FRMPD1: variants seen among roughly 807,000 people sequenced by gnomAD.
FRMPD1 encodes the protein FERM and PDZ domain containing 1, also known as FERM and PDZ domain-containing protein 1.
Under a neutral mutation model 117.8 loss-of-function variants are expected in FRMPD1, and 76 were observed. The observed-to-expected ratio is 0.65, with a 90% CI of 0.54 to 0.78. The LOEUF is 0.78. FRMPD1 is among the 30% of genes least tolerant of loss of function. The pLI is 0.00. For missense variants in FRMPD1, 1,786 were observed against 1,964.5 expected (o/e 0.91, Z 1.72); for synonymous variants, 783 against 770.4 (o/e 1.02, Z -0.27).
chr9:37,742,354 A>G (rs762323686), intron 15 of FRMPD1, among the ~76,000 whole-genome samples: 2 of 152,234 alleles, frequency 1.3e-5, no homozygotes, highest in Non-Finnish European at 2.9e-5. Context: ...ATGGGAGTCT[A>G]GTCAGGAACA....
intron 4 of FRMPD1, 64 bp downstream of exon 4, chr9:37,708,565 C>T: frequency 1.0e-6 from 1 of 970,394 alleles, no homozygotes; most frequent in Non-Finnish European, 1.7e-6. Context: ...AGATGGGCAA[C>T]AGGAATGGCA....
At chr9:37,709,639 G>T (rs1822838698) in intron 4 of FRMPD1, among the ~76,000 whole-genome samples, 1 of 152,186 alleles carries the variant, frequency 6.6e-6, no homozygotes, top group Non-Finnish European at 1.5e-5. Flanking sequence ...GGCAGAAGTT[G>T]TAGGCTGACA....
At chr9:37,698,671 C>T (rs1226491210) in intron 2 of FRMPD1, among the ~76,000 whole-genome samples, 1 of 148,880 alleles carries the variant, frequency 6.7e-6, no homozygotes. Context: ...AAGAGATTCT[C>T]CTGCCTCAGT....
At chr9:37,660,094 C>T (rs1046295405) in intron 1 of FRMPD1, among the ~76,000 whole-genome samples, 1 of 151,934 alleles carries the variant, frequency 6.6e-6, no homozygotes, top group Non-Finnish European at 1.5e-5. Context: ...ACGGCATCCT[C>T]CTAGATGGCT....
intron 5 of FRMPD1, among the ~76,000 whole-genome samples, chr9:37,714,615 ATTTT>A (rs1349761345): frequency 9.3e-6 from 1 of 107,416 alleles, no homozygotes; most frequent in African/African-American, 3.4e-5. Context: ...ATTTTATTTT[ATTTT>A]ATTTTGTTTT....
chr9:37,745,945 G>A lies in FRMPD1; in HGVS notation c.3913G>A (p.Glu1305Lys). ...FLCFAPESHPEVSASLRVATS... is the reference protein window; with the variant it reads ...FLCFAPESHPKVSASLRVATS... The stretch of plus-strand genomic sequence containing the variant: ...GTGCTTTGCCCCAGAAAGCCATCCT[G>A]AAGTCTCTGCCAGTCTCAGGGTGGC... The change falls in exon 16 of 16, where the codon GAA becomes AAA. Residue 1305 changes from glutamate to lysine, a missense_variant. Glu to Lys is a moderately conservative substitution (Grantham distance 56). Transcript: ENST00000377765. The A allele has an allele frequency of 1.2e-6, 2 of 1,614,228 alleles. No homozygotes were observed. The highest frequency in any genetic ancestry group is 1.7e-6 in the Non-Finnish European group (2 of 1,180,034).
chr9:37,631,493 CAAAT>C, the FRMPD1 span, among the ~76,000 whole-genome samples: 1 of 152,204 alleles, frequency 6.6e-6, no homozygotes, highest in Admixed American at 6.5e-5. Context: ...TCGAAAGAGA[CAAAT>C]AATTTTCTTA....
chr9:37,659,610 T>TAGGGGA (rs1820936466), intron 1 of FRMPD1, among the ~76,000 whole-genome samples: 2 of 152,120 alleles, frequency 1.3e-5, no homozygotes, highest in Admixed American at 1.3e-4. Flanking sequence ...AGTGGAAGAC[T>TAGGGGA]TATGTCTTCA....
the FRMPD1 span, among the ~76,000 whole-genome samples, chr9:37,612,755 G>A: frequency 1.3e-5 from 2 of 152,182 alleles, no homozygotes; most frequent in African/African-American, 4.8e-5. Flanking sequence ...GCCTCCCAAA[G>A]TGTTGGGATT....
chr9:37,742,453 A>T (rs1824467814), intron 15 of FRMPD1, among the ~76,000 whole-genome samples: 1 of 152,188 alleles, frequency 6.6e-6, no homozygotes, highest in African/African-American at 2.4e-5. Context: ...CAGAACTAGG[A>T]TTCCTCAGCC....
intron 5 of FRMPD1, among the ~76,000 whole-genome samples, chr9:37,715,359 A>G (rs548520011): frequency 2.6e-5 from 4 of 152,162 alleles, no homozygotes; most frequent in Non-Finnish European, 5.9e-5. Flanking sequence ...CTTTCCAGGT[A>G]GACTCCGGAA....
chr9:37,698,019 G>A (rs569466003), intron 2 of FRMPD1, among the ~76,000 whole-genome samples: 10 of 152,294 alleles, frequency 6.6e-5, no homozygotes, highest in African/African-American at 2.4e-4. Flanking sequence ...GAAGGCTGAG[G>A]CAGGAGAATC....
chr9:37,745,987 G>A lies in FRMPD1; in HGVS notation c.3955G>A (p.Ala1319Thr). ...SLRVATSLGFAGMNEMVAPRI... is the reference protein window; with the variant it reads ...SLRVATSLGFTGMNEMVAPRI... ...CAGGGTGGCCACATCTTTGGGTTTT[G>A]CAGGCATGAATGAGATGGTGGCTCC... Residue 1319 changes from alanine (A) to threonine (T), a missense_variant, in exon 16 of 16, where the codon GCA becomes ACA. Physicochemically the swap from Ala to Thr is moderately conservative, Grantham distance 58. Coordinates refer to ENST00000377765, the MANE Select transcript of FRMPD1 (RefSeq NM_014907.3). The A allele has an allele frequency of 6.2e-7, 1 of 1,614,218 alleles. No homozygotes were observed.
chr9:37,668,112 G>T (rs1295698831), intron 1 of FRMPD1: 3 of 152,264 alleles, frequency 2.0e-5, no homozygotes, highest in Admixed American at 2.0e-4. Flanking sequence ...CATCTTCTGT[G>T]TTGCCCTTGG....
At chr9:37,671,825 G>T (rs1002883441) in intron 1 of FRMPD1, among the ~76,000 whole-genome samples, 31 of 152,204 alleles carry the variant, frequency 2.0e-4, no homozygotes, top group African/African-American at 7.5e-4. Flanking sequence ...AGTTAGCCGG[G>T]CGTGGTGGTG....
chr9:37,707,442 C>T lies in FRMPD1; in HGVS notation c.128C>T (p.Pro43Leu), dbSNP rs751605302. Residue 43 changes from proline to leucine, a missense_variant, in exon 3 of 16, where the codon CCC (proline) becomes CTC (leucine). Pro to Leu is a moderately conservative substitution (Grantham distance 98). Coordinates refer to ENST00000377765, the MANE Select transcript of FRMPD1 (RefSeq NM_014907.3). ...ARAKVAAADG[P>L]ARNPTQTLIP... ...GCTAAAGTTGCTGCAGCTGATGGGC[C>T]CGCCAGGAACCCAACTCAGACCCTC... is the stretch of plus-strand genomic sequence containing the variant. The T allele has an allele frequency of 2.5e-6, 4 of 1,613,752 alleles. No homozygotes were observed. In the South Asian group the frequency reaches 4.4e-5, roughly 18 times the overall value.
the FRMPD1 span, among the ~76,000 whole-genome samples, chr9:37,617,751 C>A: frequency 6.6e-6 from 1 of 152,210 alleles, no homozygotes; most frequent in Non-Finnish European, 1.5e-5. Context: ...TATCAAACCT[C>A]ATCTGGAATT....
At chr9:37,701,488 T>C (rs1046009322) in intron 2 of FRMPD1, among the ~76,000 whole-genome samples, 19 of 108,882 alleles carry the variant, frequency 1.7e-4, no homozygotes, top group South Asian at 7.3e-4. Context: ...TGTGTGTGTG[T>C]GCGCGCGTGT....
the FRMPD1 span, among the ~76,000 whole-genome samples, chr9:37,636,194 G>A: frequency 6.6e-6 from 1 of 152,162 alleles, no homozygotes; most frequent in African/African-American, 2.4e-5. Flanking sequence ...GGCCCCTGTG[G>A]CCTCCATGGC....
Sources: gnomAD v4.1 joint callset for allele counts (sites outside exome capture counted in the v4.1 genomes callset) on GRCh38, gnomAD v4.1.1 for gene constraint, MANE v1.5 for transcripts, NCBI Gene and HGNC (gene_info 2026-07-23, HGNC 2026-07-21) for gene names.